The following ADGRL3 variants were observed in gnomAD, a reference collection of about 807,000 sequenced individuals.
ADGRL3 encodes the protein adhesion G protein-coupled receptor L3.
ADGRL3 carries 62 observed loss-of-function variants against 153.5 expected under a neutral mutation model. The observed-to-expected ratio is 0.40, with a 90% CI of 0.33 to 0.50. The LOEUF (loss-of-function observed/expected upper bound fraction) is 0.50. Among genes scored for constraint, ADGRL3 ranks in the 20% least tolerant of loss-of-function variants. The pLI is 0.47. For missense variants in ADGRL3, 1,641 were observed against 1,859.4 expected (o/e 0.88, Z 2.16); for synonymous variants, 710 against 672.5 (o/e 1.06, Z -0.86).
chr4:61,855,636 G>A (rs939168874), intron 9 of ADGRL3, among the ~76,000 whole-genome samples: 1 of 151,962 alleles, frequency 6.6e-6, no homozygotes, highest in Admixed American at 6.6e-5. Flanking sequence ...CTGTTGACAG[G>A]CTTAAATATA....
At position 61,996,339 on chromosome 4, in the gene ADGRL3, A is replaced by G. The variant is rs749887490; in HGVS notation, c.3285A>G (p.Pro1095=). 6.2e-7 allele frequency: 1 copy of G among 1,611,880 alleles called. No homozygotes were observed. The highest frequency in any genetic ancestry group is 8.5e-7 in the Non-Finnish European group (1 of 1,178,124). Residue 1095 remains proline (P), a synonymous_variant, in exon 20 of 27, where the codon CCA becomes CCG. Coordinates refer to ENST00000683033, the MANE Select transcript of ADGRL3 (RefSeq NM_001387552.1). ...DTYFIWSFIG[P]ATLIIMLNVI... ...ACTTCATTTGGAGTTTTATAGGACC[A>G]GCAACTTTGATAATTATGGTAAGAA...
intron 9 of ADGRL3, among the ~76,000 whole-genome samples, chr4:61,855,008 C>A (rs1188937604): frequency 2.0e-5 from 3 of 152,078 alleles, no homozygotes; most frequent in African/African-American, 7.2e-5. Context: ...AAGAAAGTAT[C>A]ACAGACCAGA....
At chr4:61,785,853 G>T (rs1335641247) in intron 8 of ADGRL3, among the ~76,000 whole-genome samples, 5 of 152,058 alleles carry the variant, frequency 3.3e-5, no homozygotes, top group African/African-American at 9.7e-5. Context: ...AAAAACTTTG[G>T]TTAGGAAGAA....
Position 61,973,077 on chromosome 4 carries a change from T to G in ADGRL3, c.2806-6486T>G, listed in dbSNP as rs189824582. ...AGTTTGTATCCCATCTGGAAACACT[T>G]CCATAGTTAAAATGAAAACTATTTT... On this transcript the variant is annotated intron_variant, in intron 17 of 26. Transcript: ENST00000683033. 4.9e-3 allele frequency among the ~76,000 whole-genome samples: 749 copies of G among 151,946 alleles called. 6 individuals are homozygous for G. Among genetic ancestry groups the G allele is most frequent in the African/African-American group, 0.015 (609 of 41,460 alleles).
At position 61,855,476 on chromosome 4, in the gene ADGRL3, A is replaced by T. The variant is rs545395609; in HGVS notation, c.1481-37180A>T. On this transcript the variant is annotated intron_variant, in intron 9 of 26. Coordinates refer to ENST00000683033, the MANE Select transcript of ADGRL3 (RefSeq NM_001387552.1). ...CCACAGAAAAGAGTTCTGACTTAAA[A>T]CTCATTGTTTAGTGAGTGGATTAAC... Among the ~76,000 whole-genome samples the T allele has an allele frequency of 3.1e-3, 465 of 152,156 alleles. 1 individual carries two copies. Among genetic ancestry groups the T allele is most frequent in the Non-Finnish European group, 5.8e-3 (395 of 67,990 alleles).
Position 61,788,290 on chromosome 4 carries a change from C to T in ADGRL3, c.1400-25519C>T, listed in dbSNP as rs192988175. 1.3e-3 allele frequency among the ~76,000 whole-genome samples: 200 copies of T among 152,302 alleles called. 1 individual carries two copies. The highest frequency in any genetic ancestry group is 4.6e-3 in the African/African-American group (192 of 41,574). ...ACAACCAGGGTCCCACCTCAATCCCCTCCTACCTCTACTGGAACAGGTACT... is the reference window on the plus strand; with the variant it reads ...ACAACCAGGGTCCCACCTCAATCCCTTCCTACCTCTACTGGAACAGGTACT... On this transcript the variant is annotated intron_variant, in intron 8 of 26. Coordinates refer to ENST00000683033, the MANE Select transcript of ADGRL3 (RefSeq NM_001387552.1).
At chr4:61,504,163 T>C (rs2098411425) in intron 3 of ADGRL3, among the ~76,000 whole-genome samples, 1 of 152,088 alleles carries the variant, frequency 6.6e-6, no homozygotes, top group African/African-American at 2.4e-5. Context: ...TGGCTAATTT[T>C]TAAAATTTTT....
At chr4:61,690,847 A>T (rs2095527822) in intron 6 of ADGRL3, among the ~76,000 whole-genome samples, 1 of 152,166 alleles carries the variant, frequency 6.6e-6, no homozygotes, top group Admixed American at 6.6e-5. Flanking sequence ...AGAGCTACTC[A>T]TTCAGACACA....
chr4:62,072,910 A>T lies in ADGRL3; in HGVS notation c.*2002A>T, dbSNP rs1169043956. Reference sequence around the variant, plus strand: ...GAGAATATTCATTTTATAAAGATATAATAAGACTTTTATTGTGTTTTTTTC... The same window carrying T: ...GAGAATATTCATTTTATAAAGATATTATAAGACTTTTATTGTGTTTTTTTC... On this transcript the variant is annotated 3_prime_UTR_variant, in exon 27 of 27. Transcript: ENST00000683033. 6.6e-6 allele frequency: 1 copy of T among 152,142 alleles called. No homozygotes were observed. Among genetic ancestry groups the T allele is most frequent in the Non-Finnish European group, 1.5e-5 (1 of 68,026 alleles). The allele number at this position is 152,142 out of a possible 1,614,324, so 9.4% of individuals were successfully genotyped here.
At chr4:62,060,557 T>A (rs955411787) in intron 25 of ADGRL3, among the ~76,000 whole-genome samples, 1 of 152,054 alleles carries the variant, frequency 6.6e-6, no homozygotes, top group African/African-American at 2.4e-5. Context: ...ATGAAAAAAC[T>A]AATTTTACTT....
chr4:61,295,215 A>G (rs1049121604), intron 1 of ADGRL3, among the ~76,000 whole-genome samples: 5 of 152,102 alleles, frequency 3.3e-5, no homozygotes, highest in Non-Finnish European at 5.9e-5. Context: ...AAGGTATTGC[A>G]GTGCTTGTGT....
chr4:61,435,361 G>A (rs758438922), intron 2 of ADGRL3, among the ~76,000 whole-genome samples: 6 of 151,948 alleles, frequency 3.9e-5, no homozygotes, highest in Non-Finnish European at 7.4e-5. Flanking sequence ...TAACAAAACA[G>A]CAAATGTAGA....
At chr4:61,965,455 TA>T (rs1011895437) in intron 17 of ADGRL3, among the ~76,000 whole-genome samples, 2 of 152,132 alleles carry the variant, frequency 1.3e-5, no homozygotes, top group Non-Finnish European at 1.5e-5. Flanking sequence ...AACAAGATTT[TA>T]AAAGCATTTG....
intron 6 of ADGRL3, among the ~76,000 whole-genome samples, chr4:61,698,474 A>ACAACAG (rs1454092525): frequency 2.6e-5 from 4 of 151,960 alleles, no homozygotes; most frequent in Admixed American, 1.3e-4. Flanking sequence ...AACAACAACA[A>ACAACAG]CAACAAAAAC....
chr4:61,757,005 T>C (rs1322794644), intron 8 of ADGRL3, among the ~76,000 whole-genome samples: 1 of 152,242 alleles, frequency 6.6e-6, no homozygotes, highest in African/African-American at 2.4e-5. Context: ...TTTGGTGTGC[T>C]GCTGGATTCG....
At chr4:61,870,038 GAGAA>G (rs1218820585) in intron 9 of ADGRL3, among the ~76,000 whole-genome samples, 3 of 146,482 alleles carry the variant, frequency 2.0e-5, no homozygotes, top group East Asian at 2.0e-4. Flanking sequence ...AAGAAAGAAA[GAGAA>G]AGAAAAGAAA....
At chr4:61,215,589 C>T (rs569133807) in intron 1 of ADGRL3, among the ~76,000 whole-genome samples, 4 of 117,580 alleles carry the variant, frequency 3.4e-5, no homozygotes, top group Non-Finnish European at 6.5e-5. Context: ...TCTCGCTCTG[C>T]TTCTCAGGTT....
intron 13 of ADGRL3, among the ~76,000 whole-genome samples, chr4:61,932,973 A>AT (rs946436923): frequency 2.5e-4 from 38 of 151,516 alleles, no homozygotes; most frequent in African/African-American, 8.2e-4. Context: ...CTCATCTTGT[A>AT]TTTTTTTTAA....
At chr4:61,530,834 A>G (rs954304502) in intron 4 of ADGRL3, among the ~76,000 whole-genome samples, 2 of 152,208 alleles carry the variant, frequency 1.3e-5, no homozygotes, top group African/African-American at 4.8e-5. Flanking sequence ...GGAAATTAGT[A>G]TAAATGTAGA....
Sources: gnomAD v4.1 joint callset for allele counts (sites outside exome capture counted in the v4.1 genomes callset) on GRCh38, gnomAD v4.1.1 for gene constraint, MANE v1.5 for transcripts, NCBI Gene and HGNC (gene_info 2026-07-23, HGNC 2026-07-21) for gene names.